Variants in ALK observed in about 807,000 individuals in gnomAD.
The protein encoded by ALK is ALK tyrosine kinase receptor.
In ALK, 74 loss-of-function variants were observed where a neutral mutation model predicts 163.1. That is an observed-to-expected ratio of 0.45 (90% confidence interval 0.38 to 0.55). ALK has a LOEUF of 0.55. Among genes scored for constraint, ALK ranks in the 20% least tolerant of loss-of-function variants. The pLI is 0.00. For missense variants in ALK, 2,063 were observed against 2,105.3 expected, an observed-to-expected ratio of 0.98 and a Z score of 0.39; for synonymous variants, 960 against 843.2, an observed-to-expected ratio of 1.14 and a Z score of -2.40.
At chr2:29,709,625 G>C (rs1263149170) in intron 2 of ALK, among the ~76,000 whole-genome samples, 1 of 152,124 alleles carries the variant, frequency 6.6e-6, no homozygotes, top group Admixed American at 6.6e-5. Context: ...CCAAGTAGCG[G>C]GGAGACACAT....
chr2:29,722,330 C>A (rs570852158), intron 1 of ALK, among the ~76,000 whole-genome samples: 11 of 152,318 alleles, frequency 7.2e-5, no homozygotes, highest in Admixed American at 3.3e-4. Context: ...ACTGAAGACT[C>A]TTTGCTGACC....
At chr2:29,530,604 TACCTATAG>T (rs562121866) in intron 4 of ALK, among the ~76,000 whole-genome samples, 15 of 152,300 alleles carry the variant, frequency 9.8e-5, no homozygotes, top group Non-Finnish European at 1.9e-4. Flanking sequence ...GCTGGGCAAA[TACCTATAG>T]GATGGCACAT....
chr2:29,850,839 C>A (rs1665971700), intron 1 of ALK, among the ~76,000 whole-genome samples: 1 of 152,220 alleles, frequency 6.6e-6, no homozygotes, highest in Non-Finnish European at 1.5e-5. Context: ...TCCAGGAAGC[C>A]TGGTCTGGCT....
At position 29,596,827 on chromosome 2, in the gene ALK, G is replaced by C. The variant is rs560637941; in HGVS notation, c.953-64711C>G. Among the ~76,000 whole-genome samples the C allele has an allele frequency of 3.3e-5, 5 of 152,304 alleles. No homozygotes were observed. The East Asian group carries it at 5.8e-4, about 18-fold the overall frequency. On this transcript the variant is annotated intron_variant, in intron 3 of 28. Coordinates refer to ENST00000389048, the MANE Select transcript of ALK (RefSeq NM_004304.5). ...TCTATAAGAAGAACTGAGACCATGT[G>C]GGGAGCCTCCTGGTAACTCTGTGGA...
chr2:29,515,137 G>GA (rs1214438239), intron 4 of ALK, among the ~76,000 whole-genome samples: 3 of 152,034 alleles, frequency 2.0e-5, no homozygotes, highest in African/African-American at 7.2e-5. Flanking sequence ...CCCACTCCCA[G>GA]AAAGGGTCTT....
At chr2:29,776,720 C>T (rs1681186237) in intron 1 of ALK, among the ~76,000 whole-genome samples, 1 of 152,104 alleles carries the variant, frequency 6.6e-6, no homozygotes. Context: ...TTGCTTGAGC[C>T]TGGGAGGTCA....
intron 3 of ALK, among the ~76,000 whole-genome samples, chr2:29,641,672 T>C (rs1296647793): frequency 6.6e-6 from 1 of 152,148 alleles, no homozygotes; most frequent in Non-Finnish European, 1.5e-5. Flanking sequence ...CTTAGAGTAT[T>C]TGTCATTCTA....
In ALK at chr2:29,293,992, G is replaced by T. The variant is rs1161729280; in HGVS notation, c.1817+2896C>A. ...CAGCATAGGGAATAAAATTTCTGCCGCTTTCAAGGTTCAGGGTTGGGGAGC... is the reference window on the plus strand; with the variant it reads ...CAGCATAGGGAATAAAATTTCTGCCTCTTTCAAGGTTCAGGGTTGGGGAGC... On this transcript the variant is annotated intron_variant, in intron 9 of 28. Coordinates refer to ENST00000389048, the MANE Select transcript of ALK (RefSeq NM_004304.5). Among the ~76,000 whole-genome samples the T allele has an allele frequency of 2.0e-5, 3 of 152,144 alleles. No individual in the cohort carries two copies. In the East Asian group the frequency reaches 5.8e-4, roughly 29 times the overall value.
At chr2:29,681,470 T>C (rs1217267856) in intron 3 of ALK, 1 of 152,208 alleles carries the variant, frequency 6.6e-6, no homozygotes, top group Non-Finnish European at 1.5e-5. Flanking sequence ...GGTAAGATAA[T>C]GTGTTTCTTT....
chr2:29,373,070 C>A (rs1200224330), intron 5 of ALK, among the ~76,000 whole-genome samples: 1 of 152,198 alleles, frequency 6.6e-6, no homozygotes, highest in Non-Finnish European at 1.5e-5. Context: ...TTCCCCATCA[C>A]CAGCTGGAGC....
chr2:29,442,162 C>T (rs985179597), intron 4 of ALK, among the ~76,000 whole-genome samples: 2 of 152,100 alleles, frequency 1.3e-5, no homozygotes, highest in South Asian at 2.1e-4. Flanking sequence ...TTATAATCCT[C>T]GTGATAATGA....
chr2:29,835,084 A>C (rs1333382223), intron 1 of ALK, among the ~76,000 whole-genome samples: 2 of 152,338 alleles, frequency 1.3e-5, no homozygotes, highest in Admixed American at 1.3e-4. Flanking sequence ...GTGACAAAGA[A>C]ACAAGCAATT....
chr2:29,354,297 T>C (rs944235308), intron 5 of ALK, among the ~76,000 whole-genome samples: 1 of 152,194 alleles, frequency 6.6e-6, no homozygotes, highest in African/African-American at 2.4e-5. Context: ...CTGGCTGTGA[T>C]AGAAGGGAAG....
intron 4 of ALK, among the ~76,000 whole-genome samples, chr2:29,445,730 T>C (rs900123496): frequency 2.7e-5 from 4 of 145,776 alleles, no homozygotes; most frequent in Admixed American, 6.8e-5. Context: ...GCTGAGGCAG[T>C]AGAATCACTT....
intron 11 of ALK, among the ~76,000 whole-genome samples, chr2:29,269,433 C>T (rs970589574): frequency 8.5e-5 from 13 of 152,132 alleles, no homozygotes; most frequent in East Asian, 1.9e-4. Flanking sequence ...GACTCATTAG[C>T]GTTGGTAATG....
At position 29,637,709 on chromosome 2, in the gene ALK, C is replaced by CAA. The variant is rs70958274; in HGVS notation, c.952+57139_952+57140dup. Reference sequence around the variant, plus strand: ...GGGTGACAGAGCAAGACTCCGTCTCCAAAAAAAAAAAAAGAGGACTCTTTG... The same window carrying CAA: ...GGGTGACAGAGCAAGACTCCGTCTCCAAAAAAAAAAAAAAAGAGGACTCTTTG... On this transcript the variant is annotated intron_variant, in intron 3 of 28. Coordinates refer to ENST00000389048, the MANE Select transcript of ALK (RefSeq NM_004304.5). Among the ~76,000 whole-genome samples the CAA allele has an allele frequency of 9.8e-5, 11 of 112,342 alleles. 1 individual carries two copies. The highest frequency in any genetic ancestry group is 2.4e-4 in the East Asian group (1 of 4,180). 73.7% of individuals were successfully genotyped at this position (112,342 alleles called of 152,430 possible).
intron 1 of ALK, among the ~76,000 whole-genome samples, chr2:29,757,907 TAGAC>T (rs1254941383): frequency 7.9e-5 from 12 of 151,818 alleles, no homozygotes; most frequent in Admixed American, 7.9e-4. Flanking sequence ...TTTTGAGTAG[TAGAC>T]AGACAGACAT....
At chr2:29,428,863 AC>A (rs1255539422) in intron 4 of ALK, among the ~76,000 whole-genome samples, 1 of 151,998 alleles carries the variant, frequency 6.6e-6, no homozygotes, top group Non-Finnish European at 1.5e-5. Context: ...CATATCCTCA[AC>A]AAAATACTAG....
chr2:29,391,508 C>T (rs1440423059), intron 4 of ALK, among the ~76,000 whole-genome samples: 1 of 152,158 alleles, frequency 6.6e-6, no homozygotes, highest in Non-Finnish European at 1.5e-5. Context: ...CCCGTGTTGG[C>T]CAGGTTGGTC....
Sources: allele counts gnomAD v4.1 joint callset (sites outside exome capture counted in the v4.1 genomes callset), GRCh38; gene constraint gnomAD v4.1.1; transcripts MANE v1.5; gene names NCBI Gene and HGNC (gene_info 2026-07-23, HGNC 2026-07-21).